The following TYW3 variants were observed in gnomAD, a reference collection of about 807,000 sequenced individuals.
TYW3 encodes the protein tRNA wybutosine-synthesizing protein 3 homolog.
TYW3 carries 26 observed loss-of-function variants against 23.1 expected under a neutral mutation model. The ratio of observed to expected loss-of-function variants is 1.13; its 90% CI spans 0.83 to 1.56. The LOEUF (loss-of-function observed/expected upper bound fraction) is 1.56, where lower values mean the gene tolerates loss of function less well. Among genes scored for constraint, TYW3 ranks in the 40% most tolerant of loss-of-function variants. TYW3 has a pLI of 0.00. For missense variants in TYW3, 316 were observed against 311.9 expected, an observed-to-expected ratio of 1.01 and a Z score of -0.10; for synonymous variants, 102 against 105.7, an observed-to-expected ratio of 0.97 and a Z score of 0.21.
At chr1:74,762,382 G>A (rs1649163686) in intron 5 of TYW3, among the ~76,000 whole-genome samples, 1 of 152,124 alleles carries the variant, frequency 6.6e-6, no homozygotes, top group African/African-American at 2.4e-5. Context: ...ATTATAATAG[G>A]ACATAAAAGT....
At position 74,738,784 on chromosome 1, in the gene TYW3, T is replaced by C. The variant is rs1333397276; in HGVS notation, c.350T>C (p.Ile117Thr). 2.5e-6 allele frequency: 4 copies of C among 1,607,996 alleles called. No homozygotes were observed. In the East Asian group the frequency reaches 8.9e-5, roughly 36 times the overall value. ...VQCRQLQDAQ[I>T]LHSMAIDSGF... ...TGTCGACAATTGCAGGATGCACAGATTCTGGTAAAATTTTGTTGTAATTGT... is the reference window on the plus strand; with the variant it reads ...TGTCGACAATTGCAGGATGCACAGACTCTGGTAAAATTTTGTTGTAATTGT... The change falls in exon 3 of 6, where the codon ATT (isoleucine) becomes ACT (threonine). Residue 117 changes from isoleucine (I) to threonine (T), a missense_variant. Transcript: ENST00000370867.
intron 5 of TYW3, among the ~76,000 whole-genome samples, chr1:74,762,862 G>A (rs1649175228): frequency 6.6e-6 from 1 of 152,076 alleles, no homozygotes; most frequent in Non-Finnish European, 1.5e-5. Context: ...TGTGTTAGGT[G>A]TTAACATGAG....
chr1:74,742,471 G>A lies in TYW3; in HGVS notation c.354+3683G>A, dbSNP rs182611521. Among the ~76,000 whole-genome samples, 182 of 152,226 alleles carry A rather than the reference G, an allele frequency of 1.2e-3. 3 individuals carry two copies. Among genetic ancestry groups the A allele is most frequent in the Middle Eastern group, 3.4e-3 (1 of 294 alleles). On this transcript the variant is annotated intron_variant, in intron 3 of 5. Transcript: ENST00000370867. ...CCCGTGAAAGTCCCCACTCTGTTTC[G>A]GTTGGGGAATACTGGAGCTTAACCT...
intron 3 of TYW3, among the ~76,000 whole-genome samples, chr1:74,746,935 A>C (rs1648583560): frequency 6.6e-6 from 1 of 152,232 alleles, no homozygotes; most frequent in Non-Finnish European, 1.5e-5. Context: ...CTGACAGAGG[A>C]ACAGCAAAAA....
At chr1:74,757,547 A>C (rs1331191820) in intron 5 of TYW3, among the ~76,000 whole-genome samples, 1 of 152,194 alleles carries the variant, frequency 6.6e-6, no homozygotes, top group Non-Finnish European at 1.5e-5. Flanking sequence ...TATTTACCCA[A>C]TGCCCACACC....
At chr1:74,755,648 T>A (rs1010822603) in intron 5 of TYW3, among the ~76,000 whole-genome samples, 1 of 152,216 alleles carries the variant, frequency 6.6e-6, no homozygotes, top group African/African-American at 2.4e-5. Context: ...TGTACAAGTA[T>A]CTGAGTCACT....
chr1:74,752,559 C>G, intron 5 of TYW3, 134 bp downstream of exon 5: 1 of 777,376 alleles, frequency 1.3e-6, no homozygotes, highest in Non-Finnish European at 1.9e-6. Context: ...CTTTTATTAT[C>G]ATTAATAATA....
At chr1:74,750,895 C>T (rs1197296390) in intron 4 of TYW3, among the ~76,000 whole-genome samples, 3 of 150,970 alleles carry the variant, frequency 2.0e-5, no homozygotes, top group Non-Finnish European at 4.4e-5. Context: ...GCAACCGCCA[C>T]CTCCCAGGTT....
At chr1:74,737,881 C>T (rs537209882) in intron 2 of TYW3, among the ~76,000 whole-genome samples, 9 of 152,310 alleles carry the variant, frequency 5.9e-5, no homozygotes, top group African/African-American at 2.2e-4. Flanking sequence ...TGCAATGTGT[C>T]AGTCCCCATG....
chr1:74,737,681 G>C (rs762044402), intron 2 of TYW3, among the ~76,000 whole-genome samples: 2 of 152,202 alleles, frequency 1.3e-5, no homozygotes, highest in African/African-American at 2.4e-5. Context: ...TGTTTCACTA[G>C]GTGGTCAGAC....
intron 5 of TYW3, among the ~76,000 whole-genome samples, chr1:74,755,764 A>G (rs1648930607): frequency 6.6e-6 from 1 of 152,230 alleles, no homozygotes; most frequent in South Asian, 2.1e-4. Context: ...CAGGGTTTTT[A>G]TATGAAGAGC....
At chr1:74,745,198 G>C (rs1460057892) in intron 3 of TYW3, among the ~76,000 whole-genome samples, 1 of 152,260 alleles carries the variant, frequency 6.6e-6, no homozygotes, top group Non-Finnish European at 1.5e-5. Context: ...GCTCATAAGG[G>C]TAGTGTGGGC....
chr1:74,763,790 A>G (rs1352934612), intron 5 of TYW3, 104 bp from the exon 6 acceptor site: 3 of 763,748 alleles, frequency 3.9e-6, no homozygotes, highest in Admixed American at 2.7e-5. Context: ...TATAAAGCTA[A>G]TATGGGACAT....
chr1:74,764,309 T>C lies in TYW3; in HGVS notation c.*196T>C, dbSNP rs962772337. On this transcript the variant is annotated 3_prime_UTR_variant, in exon 6 of 6. Transcript: ENST00000370867. ...TAAGCTCTCAGCAGTACCCGGCTTA[T>C]CCTACGACTTCACCTGAAATGCTAT... 1.9e-5 allele frequency: 9 copies of C among 470,064 alleles called. No homozygotes were observed. The highest frequency in any genetic ancestry group is 1.4e-4 in the African/African-American group (7 of 50,080). 29.1% of individuals were successfully genotyped at this position (470,064 alleles called of 1,614,324 possible). A position where few individuals can be genotyped will look rare whatever the true frequency, so the allele number is the denominator to read the frequency against.
intron 4 of TYW3, among the ~76,000 whole-genome samples, chr1:74,750,888 AC>A (rs1648760957): frequency 7.0e-6 from 1 of 143,186 alleles, no homozygotes; most frequent in Non-Finnish European, 1.5e-5. Context: ...GCTCACTGCA[AC>A]CGCCACCTCC....
intron 1 of TYW3, 141 bp from the exon 2 acceptor site, chr1:74,736,401 C>A: frequency 1.8e-6 from 1 of 541,718 alleles, no homozygotes. Flanking sequence ...TACCCAAAAA[C>A]ATACCGAATT....
intron 2 of TYW3, among the ~76,000 whole-genome samples, chr1:74,737,532 G>A (rs560893309): frequency 1.2e-4 from 19 of 152,294 alleles, no homozygotes; most frequent in African/African-American, 4.6e-4. Context: ...GATAGGGAGA[G>A]TGATGTGTGA....
chr1:74,745,931 T>A (rs1016499453), intron 3 of TYW3, among the ~76,000 whole-genome samples: 8 of 152,164 alleles, frequency 5.3e-5, no homozygotes, highest in Non-Finnish European at 1.5e-5. Context: ...TTCTTCTACT[T>A]CTTGTAAGGA....
At chr1:74,762,067 ATTAAT>A (rs1247164769) in intron 5 of TYW3, among the ~76,000 whole-genome samples, 2 of 152,092 alleles carry the variant, frequency 1.3e-5, no homozygotes, top group East Asian at 1.9e-4. Flanking sequence ...TGTTTTTGAG[ATTAAT>A]TCATTCATTG....
Sources: allele counts gnomAD v4.1 joint callset (sites outside exome capture counted in the v4.1 genomes callset), GRCh38; gene constraint gnomAD v4.1.1; transcripts MANE v1.5; gene names NCBI Gene and HGNC (gene_info 2026-07-23, HGNC 2026-07-21).